The following CFH variants were observed in gnomAD, a reference collection of about 807,000 sequenced individuals.
CFH encodes H factor 1 (complement).
CFH carries 53 observed loss-of-function variants against 147.3 expected under a neutral mutation model. The ratio of observed to expected loss-of-function variants is 0.36; its 90% CI spans 0.29 to 0.45. The LOEUF is 0.45. Ranked by LOEUF, CFH falls within the 20% of genes least tolerant of loss-of-function variation. The pLI, the probability that CFH is intolerant of heterozygous loss-of-function variation, is 1.00. For synonymous variants in CFH, 536 were observed against 489.4 expected, an observed-to-expected ratio of 1.10 and a Z score of -1.26; for missense variants, 1,380 against 1,498.0, an observed-to-expected ratio of 0.92 and a Z score of 1.30.
intron 9 of CFH, among the ~76,000 whole-genome samples, chr1:196,710,627 G>A (rs577560713): frequency 5.1e-4 from 77 of 152,044 alleles, no homozygotes; most frequent in South Asian, 4.2e-3. Context: ...CAGCATGTTC[G>A]TATGTGCAAA....
chr1:196,698,050 T>A (rs981098705), intron 9 of CFH, among the ~76,000 whole-genome samples: 5 of 151,012 alleles, frequency 3.3e-5, no homozygotes, highest in African/African-American at 7.3e-5. Context: ...ATATACCTAA[T>A]GTTAAATGAA....
At chr1:196,745,202 A>G (rs1412314308) in intron 20 of CFH, among the ~76,000 whole-genome samples, 1 of 152,072 alleles carries the variant, frequency 6.6e-6, no homozygotes, top group Admixed American at 6.5e-5. Context: ...ATAAGTTTAT[A>G]CCTTATGGTC....
rs762422305 is a variant in CFH, at chr1:196,725,285, C to G, written c.1861C>G (p.Pro621Ala). ...CYHFGLSPDL[P>A]ICKEQVQSCG... ...CCACTTTGGATTGTCTCCTGACCTC[C>G]CAATATGTAAAGGTGAATGCTTATC... Residue 621 changes from proline (P) to alanine (A), a missense_variant, in exon 12 of 22, where the codon CCA becomes GCA. Around this residue, in one of 4 missense-constraint regions of CFH, gnomAD observed 830 missense variants for 821.4 expected, o/e 1.01. Coordinates refer to ENST00000367429, the MANE Select transcript of CFH (RefSeq NM_000186.4). 1.2e-6 allele frequency: 2 copies of G among 1,613,582 alleles called. No homozygotes were observed. The highest frequency in any genetic ancestry group is 4.5e-5 in the East Asian group (2 of 44,832).
intron 9 of CFH, among the ~76,000 whole-genome samples, chr1:196,710,109 A>G (rs914709622): frequency 3.3e-5 from 5 of 152,054 alleles, no homozygotes; most frequent in Admixed American, 2.6e-4. Context: ...TGACTCAGGA[A>G]ATAATGCAGG....
chr1:196,653,980 C>T (rs1666592332), intron 1 of CFH, among the ~76,000 whole-genome samples: 1 of 152,074 alleles, frequency 6.6e-6, no homozygotes, highest in African/African-American at 2.4e-5. Context: ...ATATCAGACT[C>T]CTAATTTATT....
At chr1:196,711,811 T>G (rs1180643096) in intron 9 of CFH, among the ~76,000 whole-genome samples, 2 of 152,068 alleles carry the variant, frequency 1.3e-5, no homozygotes, top group African/African-American at 4.8e-5. Context: ...TCTGGTAGTG[T>G]TCTTCATCTG....
chr1:196,685,396 A>G (rs188327513), intron 7 of CFH, among the ~76,000 whole-genome samples, 159 bp downstream of exon 7: 36 of 152,180 alleles, frequency 2.4e-4, no homozygotes, highest in South Asian at 6.2e-4. Flanking sequence ...CGAAACTCAT[A>G]TTTTTTGCTA....
intron 1 of CFH, among the ~76,000 whole-genome samples, chr1:196,654,740 T>C (rs959113813): frequency 6.6e-6 from 1 of 152,178 alleles, no homozygotes; most frequent in Non-Finnish European, 1.5e-5. Flanking sequence ...TTGGGAGACA[T>C]GTTTTTTAAT....
At position 196,689,547 on chromosome 1, in the gene CFH, G is replaced by A. The variant is rs147549495; in HGVS notation, c.1092G>A (p.Pro364=). The A allele has an allele frequency of 6.9e-5, 112 of 1,613,422 alleles. No individual in the cohort carries two copies. The East Asian group carries it at 8.9e-4, about 13-fold the overall frequency. ...SYYCDEHFET[P]SGSYWDHIHC... ...ACTGTGATGAACATTTTGAGACTCC[G>A]TCAGGAAGTTACTGGGATCACATTC... The change falls in exon 8 of 22, where the codon CCG becomes CCA. Residue 364 remains proline (P), a synonymous_variant. Transcript: ENST00000367429.
chr1:196,692,264 C>A, intron 9 of CFH: 1 of 188,448 alleles, frequency 5.3e-6, no homozygotes, highest in Non-Finnish European at 9.9e-6. Flanking sequence ...ATGGATATGA[C>A]TTTTCACCCT....
intron 9 of CFH, among the ~76,000 whole-genome samples, chr1:196,706,850 T>C (rs1331324771): frequency 6.6e-6 from 1 of 152,188 alleles, no homozygotes; most frequent in Non-Finnish European, 1.5e-5. Context: ...ATTAGAGGAC[T>C]GGCAAATTGA....
At chr1:196,652,951 G>C (rs1177683899) in intron 1 of CFH, among the ~76,000 whole-genome samples, 2 of 151,726 alleles carry the variant, frequency 1.3e-5, no homozygotes, top group Non-Finnish European at 3.0e-5. Flanking sequence ...TGCTTTCCTA[G>C]TTTTTGATAG....
intron 14 of CFH, among the ~76,000 whole-genome samples, chr1:196,728,080 A>C (rs1669188994): frequency 6.6e-6 from 1 of 152,098 alleles, no homozygotes; most frequent in African/African-American, 2.4e-5. Context: ...ATCCAATGAA[A>C]TATCCAATGA....
At chr1:196,693,468 C>G (rs1668136376) in intron 9 of CFH, among the ~76,000 whole-genome samples, 1 of 152,048 alleles carries the variant, frequency 6.6e-6, no homozygotes, top group African/African-American at 2.4e-5. Context: ...TCCAGGCTCC[C>G]CAGTAAATGC....
intron 9 of CFH, among the ~76,000 whole-genome samples, chr1:196,692,842 TCCTTCCCTCCCTC>T (rs1478535720): frequency 7.5e-6 from 1 of 132,646 alleles, no homozygotes; most frequent in South Asian, 2.5e-4. Context: ...CTTTCTTTCT[TCCTTCCCTCCCTC>T]CCTTCCCTCC....
At chr1:196,701,227 T>G in intron 9 of CFH, 1 of 1,575,218 alleles carries the variant, frequency 6.3e-7, no homozygotes, top group Non-Finnish European at 8.7e-7. Context: ...TCTTGTTTGG[T>G]CAGTCACATT....
chr1:196,668,803 T>C (rs561860816), intron 1 of CFH, among the ~76,000 whole-genome samples: 1 of 152,310 alleles, frequency 6.6e-6, no homozygotes, highest in East Asian at 1.9e-4. Context: ...AACTACCCAG[T>C]CTCAGGTAAT....
rs1427824529 is a variant in CFH, at chr1:196,736,999, C to A, written c.2589C>A (p.Leu863=). The change falls in exon 16 of 22, where the codon CTC becomes CTA. Residue 863 remains leucine, a synonymous_variant. Transcript: ENST00000367429. ...CKDGRWQSIP[L]CVEKIPCSQP... is the part of the protein sequence containing the mutation. ...ATGGAAGATGGCAGTCAATACCACT[C>A]TGTGTTGGTCAGTAGTGTATAATTT... is the stretch of plus-strand genomic sequence containing the variant. 28 of 1,608,566 alleles carry A rather than the reference C, an allele frequency of 1.7e-5. No homozygotes were observed. The highest frequency in any genetic ancestry group is 2.4e-5 in the Non-Finnish European group (28 of 1,176,208).
Position 196,728,514 on chromosome 1 carries a change from A to G in CFH, c.2405A>G (p.Asn802Ser), listed in dbSNP as rs374526857. 109 of 1,612,458 alleles carry G rather than the reference A, an allele frequency of 6.8e-5. No individual in the cohort carries two copies. The highest frequency in any genetic ancestry group is 9.0e-5 in the Non-Finnish European group (106 of 1,178,936). Residue 802 changes from asparagine to serine, a missense_variant, in exon 15 of 22, where the codon AAC (asparagine) becomes AGC (serine). By Grantham distance (46) the Asn-to-Ser change is conservative. Transcript: ENST00000367429. ...AATGGAAGATGGGATCCAGAAGTGA[A>G]CTGCTCAAGTAAGCTCTTATTTTGT... ...CINGRWDPEV[N>S]CSMAQIQLCP...
Sources: allele counts gnomAD v4.1 joint callset (sites outside exome capture counted in the v4.1 genomes callset), GRCh38; gene constraint gnomAD v4.1.1; regional missense constraint gnomAD v4.1.1; transcripts MANE v1.5; gene names NCBI Gene and HGNC (gene_info 2026-07-23, HGNC 2026-07-21).